Variants in ALX4 observed in about 807,000 individuals in gnomAD.
ALX4 encodes homeobox protein aristaless-like 4.
A neutral mutation model predicts 40.6 loss-of-function variants in ALX4; 22 were observed. The observed-to-expected ratio is 0.54, with a 90% CI of 0.39 to 0.77. ALX4 has a LOEUF of 0.77. Ranked by LOEUF, ALX4 falls within the 30% of genes least tolerant of loss-of-function variation. The pLI is 0.00. For missense variants in ALX4, 556 were observed against 564.8 expected (o/e 0.98, Z 0.16); for synonymous variants, 266 against 240.5 (o/e 1.11, Z -0.98).
At chr11:44,292,865 G>A (rs1195910363) in intron 1 of ALX4, among the ~76,000 whole-genome samples, 4 of 152,014 alleles carry the variant, frequency 2.6e-5, no homozygotes, top group Non-Finnish European at 4.4e-5. Flanking sequence ...GGAAGCCAAC[G>A]TGGGCAGACT....
chr11:44,307,442 G>A (rs1956475957), intron 1 of ALX4, among the ~76,000 whole-genome samples: 1 of 152,238 alleles, frequency 6.6e-6, no homozygotes, highest in South Asian at 2.1e-4. Flanking sequence ...CAGAGAGAGG[G>A]CTCAGGGGAG....
chr11:44,278,765 G>A (rs995848235), intron 1 of ALX4, among the ~76,000 whole-genome samples: 9 of 152,202 alleles, frequency 5.9e-5, no homozygotes, highest in Admixed American at 2.6e-4. Context: ...TAGGGAGAGC[G>A]GGGTAGTTGA....
chr11:44,278,046 C>A (rs1956287926), intron 1 of ALX4, among the ~76,000 whole-genome samples: 1 of 150,620 alleles, frequency 6.6e-6, no homozygotes, highest in South Asian at 2.1e-4. Flanking sequence ...CCCACCCAGC[C>A]TCACAAAAAT....
chr11:44,282,596 A>G (rs1956316039), intron 1 of ALX4, among the ~76,000 whole-genome samples: 1 of 152,216 alleles, frequency 6.6e-6, no homozygotes, highest in Admixed American at 6.5e-5. Context: ...TGACAGGGGA[A>G]TGGAGACGCA....
chr11:44,289,675 C>T (rs1956358477), intron 1 of ALX4, among the ~76,000 whole-genome samples: 1 of 152,172 alleles, frequency 6.6e-6, no homozygotes, highest in Admixed American at 6.5e-5. Flanking sequence ...CTAGGGTAAA[C>T]CAAGCTTCAG....
chr11:44,278,289 G>C (rs1299564108), intron 1 of ALX4, among the ~76,000 whole-genome samples: 1 of 152,200 alleles, frequency 6.6e-6, no homozygotes, highest in Non-Finnish European at 1.5e-5. Context: ...AGAGAGAGAA[G>C]GGAACATGCC....
intron 1 of ALX4, among the ~76,000 whole-genome samples, chr11:44,284,863 A>G (rs1956329354): frequency 6.6e-6 from 1 of 152,318 alleles, no homozygotes; most frequent in East Asian, 1.9e-4. Flanking sequence ...TTCTATATGG[A>G]AGATTAAAAA....
At chr11:44,288,530 C>A (rs868478783) in intron 1 of ALX4, among the ~76,000 whole-genome samples, 24 of 152,302 alleles carry the variant, frequency 1.6e-4, no homozygotes, top group South Asian at 6.2e-4. Flanking sequence ...GTTTACCTGG[C>A]AACCTCCCCG....
chr11:44,284,580 T>G (rs1375089259), intron 1 of ALX4, among the ~76,000 whole-genome samples: 1 of 152,220 alleles, frequency 6.6e-6, no homozygotes, highest in Non-Finnish European at 1.5e-5. Context: ...ATCAGGCTTA[T>G]GTGGCATTCA....
chr11:44,297,030 AAG>A (rs1248202240), intron 1 of ALX4, among the ~76,000 whole-genome samples: 3 of 128,444 alleles, frequency 2.3e-5, no homozygotes, highest in Non-Finnish European at 3.3e-5. Flanking sequence ...AAAAAAAAAA[AAG>A]GTACCTACAG....
Position 44,263,489 on chromosome 11 carries a change from G to C in ALX4, c.*1365C>G, listed in dbSNP as rs529798397. ...TGCAATAGCAAAGCCACACCGAGGA[G>C]CCCAGGCCAGGAGCCCTTCCGCAGG... On this transcript the variant is annotated 3_prime_UTR_variant, in exon 4 of 4. Coordinates refer to ENST00000652299, the MANE Select transcript of ALX4 (RefSeq NM_021926.4). 1 of 152,354 alleles carries C rather than the reference G, an allele frequency of 6.6e-6. No individual in the cohort carries two copies. Among genetic ancestry groups the C allele is most frequent in the Non-Finnish European group, 1.5e-5 (1 of 68,138 alleles). The allele number at this position is 152,354 out of a possible 1,614,324, so 9.4% of individuals were successfully genotyped here. A position where few individuals can be genotyped will look rare whatever the true frequency, so the allele number is the denominator to read the frequency against.
intron 1 of ALX4, among the ~76,000 whole-genome samples, chr11:44,300,889 C>A (rs913295591): frequency 1.3e-5 from 2 of 152,386 alleles, no homozygotes; most frequent in East Asian, 3.9e-4. Context: ...CTTTCCTGCA[C>A]CCTCCCCTTA....
At chr11:44,308,547 T>C (rs1956482943) in intron 1 of ALX4, among the ~76,000 whole-genome samples, 1 of 152,256 alleles carries the variant, frequency 6.6e-6, no homozygotes, top group Admixed American at 6.5e-5. Context: ...CCCTTCCGCT[T>C]TGGGGTTCAG....
At chr11:44,301,897 G>C (rs1400446041) in intron 1 of ALX4, among the ~76,000 whole-genome samples, 2 of 152,234 alleles carry the variant, frequency 1.3e-5, no homozygotes, top group Non-Finnish European at 2.9e-5. Flanking sequence ...ATATTCCAGA[G>C]CTGGTGGCTT....
intron 1 of ALX4, among the ~76,000 whole-genome samples, chr11:44,283,810 C>T (rs1237786654): frequency 1.3e-5 from 2 of 152,174 alleles, no homozygotes; most frequent in African/African-American, 2.4e-5. Context: ...ATGATCCACC[C>T]GTCTTGGTCT....
Position 44,309,585 on chromosome 11 carries a change from A to G in ALX4, c.466+12T>C. ...TGGTCCCCAGCACCAGGTGACCCGC[A>G]CGTGCACTCACCGTAGCAGGGAACC... On this transcript the variant is annotated intron_variant, in intron 1 of 3. Coordinates refer to ENST00000652299, the MANE Select transcript of ALX4 (RefSeq NM_021926.4). 6.4e-7 allele frequency: 1 copy of G among 1,573,180 alleles called. No individual in the cohort carries two copies. Among genetic ancestry groups the G allele is most frequent in the Non-Finnish European group, 8.6e-7 (1 of 1,168,614 alleles).
intron 1 of ALX4, among the ~76,000 whole-genome samples, chr11:44,287,736 G>A (rs947459101): frequency 1.3e-5 from 2 of 152,156 alleles, no homozygotes; most frequent in Admixed American, 6.5e-5. Context: ...GCAGACAGGA[G>A]ACAGGGTCAA....
At chr11:44,267,163 C>T (rs527322517) in intron 3 of ALX4, among the ~76,000 whole-genome samples, 50 of 152,276 alleles carry the variant, frequency 3.3e-4, no homozygotes, top group African/African-American at 1.1e-3. Context: ...AGAGACCCTC[C>T]GAGCGGTATC....
intron 1 of ALX4, among the ~76,000 whole-genome samples, chr11:44,300,390 G>A (rs180854566): frequency 6.6e-6 from 1 of 152,330 alleles, no homozygotes; most frequent in Non-Finnish European, 1.5e-5. Flanking sequence ...AGGCCATGGA[G>A]CTGGAGTTGT....
Sources: allele counts gnomAD v4.1 joint callset (sites outside exome capture counted in the v4.1 genomes callset), GRCh38; gene constraint gnomAD v4.1.1; transcripts MANE v1.5; gene names NCBI Gene and HGNC (gene_info 2026-07-23, HGNC 2026-07-21).